CCDC178: variants seen among roughly 807,000 people sequenced by gnomAD.
CCDC178 encodes coiled-coil domain containing 178, also known as coiled-coil domain-containing protein 178.
In CCDC178, 126 loss-of-function variants were observed where a neutral mutation model predicts 117.4. That is an observed-to-expected ratio of 1.07 (90% CI 0.93 to 1.24). The LOEUF is 1.24. Ranked by LOEUF, CCDC178 falls within the 50% of genes most tolerant of loss-of-function variation. CCDC178 has a pLI of 0.00. For synonymous variants in CCDC178, 283 were observed against 313.4 expected (o/e 0.90, Z 1.02); for missense variants, 1,030 against 986.9 (o/e 1.04, Z -0.59).
Position 32,989,246 on chromosome 18 carries a change from T to C in CCDC178, c.2389-14565A>G, listed in dbSNP as rs562159335. On this transcript the variant is annotated intron_variant, in intron 21 of 22. Coordinates refer to ENST00000383096, the MANE Select transcript of CCDC178 (RefSeq NM_001105528.4). ...TATTTGTAAAATGAACATAGCAATG[T>C]ATAAAACCATAATTAATCATGGCCA... Among the ~76,000 whole-genome samples, 13 of 152,318 alleles carry C rather than the reference T, an allele frequency of 8.5e-5. No homozygotes were observed. The South Asian group carries it at 1.0e-3, about 12-fold the overall frequency.
chr18:33,026,965 G>A (rs1398375143), intron 21 of CCDC178, among the ~76,000 whole-genome samples: 1 of 151,770 alleles, frequency 6.6e-6, no homozygotes, highest in Admixed American at 6.6e-5. Flanking sequence ...AAATAATGAA[G>A]CTCAAAAGAA....
At chr18:33,129,269 A>C (rs2144248568) in intron 20 of CCDC178, among the ~76,000 whole-genome samples, 1 of 152,276 alleles carries the variant, frequency 6.6e-6, no homozygotes, top group East Asian at 1.9e-4. Context: ...TGTTGAGTGC[A>C]AGACACTAGT....
chr18:33,351,178 GTGTGTA>G (rs958501382), intron 7 of CCDC178, among the ~76,000 whole-genome samples: 24 of 150,938 alleles, frequency 1.6e-4, no homozygotes, highest in African/African-American at 4.4e-4. Context: ...GTGTGTGTGT[GTGTGTA>G]TAGTTTTTGT....
intron 20 of CCDC178, among the ~76,000 whole-genome samples, chr18:33,128,545 T>A (rs1285991671): frequency 6.6e-6 from 1 of 151,924 alleles, no homozygotes; most frequent in Admixed American, 6.6e-5. Flanking sequence ...AACACTAGAG[T>A]AGAGGATGAA....
At chr18:32,964,742 T>G (rs922862050) in intron 22 of CCDC178, among the ~76,000 whole-genome samples, 1 of 151,916 alleles carries the variant, frequency 6.6e-6, no homozygotes, top group African/African-American at 2.4e-5. Flanking sequence ...AAACTCAGAC[T>G]CTAGCATTCA....
chr18:33,073,545 ATCTATC>A (rs780674521), intron 21 of CCDC178, among the ~76,000 whole-genome samples: 2,103 of 148,320 alleles, frequency 0.014, 16 homozygotes, highest in Non-Finnish European at 0.019. Context: ...CTATCTATCT[ATCTATC>A]TATATATATA....
intron 11 of CCDC178, among the ~76,000 whole-genome samples, chr18:33,302,363 G>A (rs1203569805): frequency 1.3e-5 from 2 of 152,114 alleles, no homozygotes; most frequent in Non-Finnish European, 2.9e-5. Context: ...CAAAGCTGGT[G>A]AGAATGCAAA....
intron 12 of CCDC178, among the ~76,000 whole-genome samples, chr18:33,290,721 G>A (rs902264526): frequency 3.3e-5 from 5 of 152,034 alleles, no homozygotes; most frequent in Admixed American, 6.6e-5. Context: ...TGGAATTTTC[G>A]TGACGTAGCC....
intron 21 of CCDC178, among the ~76,000 whole-genome samples, chr18:33,086,864 C>T (rs1228852056): frequency 6.6e-6 from 1 of 151,776 alleles, no homozygotes; most frequent in African/African-American, 2.4e-5. Flanking sequence ...TTAGCAACAT[C>T]CTTATTCTTG....
At chr18:33,080,432 AAAG>A (rs1159013263) in intron 21 of CCDC178, among the ~76,000 whole-genome samples, 1 of 152,142 alleles carries the variant, frequency 6.6e-6, no homozygotes, top group Non-Finnish European at 1.5e-5. Flanking sequence ...TTAAAAAAGA[AAAG>A]AAGAGGAGAT....
chr18:32,974,799 T>C, intron 21 of CCDC178, 118 bp from the exon 22 acceptor site: 2 of 898,518 alleles, frequency 2.2e-6, no homozygotes, highest in South Asian at 1.7e-5. Flanking sequence ...CATTCTGCAC[T>C]GCACGGACCT....
intron 12 of CCDC178, among the ~76,000 whole-genome samples, chr18:33,288,540 G>C (rs1475533209): frequency 6.6e-6 from 1 of 150,454 alleles, no homozygotes; most frequent in Non-Finnish European, 1.5e-5. Flanking sequence ...GTCTAACATG[G>C]GAAAGGCATT....
chr18:33,012,419 T>C (rs1351482992), intron 21 of CCDC178, among the ~76,000 whole-genome samples: 1 of 152,152 alleles, frequency 6.6e-6, no homozygotes, highest in African/African-American at 2.4e-5. Flanking sequence ...CTTTGGGATA[T>C]TAGGATTCAG....
chr18:33,130,374 T>C (rs2058056003), intron 20 of CCDC178, among the ~76,000 whole-genome samples: 1 of 152,048 alleles, frequency 6.6e-6, no homozygotes, highest in Non-Finnish European at 1.5e-5. Context: ...CCCCATTTTA[T>C]TGCAACCTTA....
At chr18:33,265,569 T>G (rs1419206615) in intron 14 of CCDC178, among the ~76,000 whole-genome samples, 1 of 151,762 alleles carries the variant, frequency 6.6e-6, no homozygotes, top group East Asian at 1.9e-4. Flanking sequence ...CTGGAAAAAG[T>G]GATAAGTGGG....
intron 9 of CCDC178, among the ~76,000 whole-genome samples, chr18:33,342,433 A>G (rs895837859): frequency 2.6e-5 from 4 of 152,220 alleles, no homozygotes; most frequent in African/African-American, 9.6e-5. Context: ...ATTTCTTATC[A>G]TATAGATTCT....
chr18:32,974,263 C>G (rs1226649630), intron 22 of CCDC178, among the ~76,000 whole-genome samples: 2 of 151,980 alleles, frequency 1.3e-5, no homozygotes, highest in South Asian at 4.1e-4. Flanking sequence ...ATGACATCTG[C>G]AAAGCCTGAA....
intron 21 of CCDC178, among the ~76,000 whole-genome samples, chr18:33,061,725 G>T (rs974385319): frequency 2.0e-5 from 3 of 152,066 alleles, no homozygotes; most frequent in African/African-American, 7.2e-5. Context: ...ATGTTCAAAT[G>T]AATAACCAAA....
intron 5 of CCDC178, among the ~76,000 whole-genome samples, chr18:33,382,712 A>G (rs1257777755): frequency 6.6e-6 from 1 of 152,070 alleles, no homozygotes; most frequent in Non-Finnish European, 1.5e-5. Context: ...AGCCTACACC[A>G]CCAGGGCCCT....
Sources: allele counts gnomAD v4.1 joint callset (sites outside exome capture counted in the v4.1 genomes callset), GRCh38; gene constraint gnomAD v4.1.1; transcripts MANE v1.5; gene names NCBI Gene and HGNC (gene_info 2026-07-23, HGNC 2026-07-21).